TMEM232: variants seen among roughly 807,000 people sequenced by gnomAD.
TMEM232 encodes the protein transmembrane protein 232.
A neutral mutation model predicts 78.8 loss-of-function variants in TMEM232; 80 were observed. The ratio of observed to expected loss-of-function variants is 1.01; its 90% CI spans 0.85 to 1.22. The LOEUF (loss-of-function observed/expected upper bound fraction) is 1.22, where lower values mean the gene tolerates loss of function less well. Among genes scored for constraint, TMEM232 ranks in the 50% most tolerant of loss-of-function variants. TMEM232 has a pLI of 0.00. For missense variants in TMEM232, 881 were observed against 742.2 expected (o/e 1.19, Z -2.17); for synonymous variants, 297 against 254.3 (o/e 1.17, Z -1.60).
At chr5:110,686,954 T>C (rs914421211) in intron 1 of TMEM232, among the ~76,000 whole-genome samples, 3 of 152,126 alleles carry the variant, frequency 2.0e-5, no homozygotes, top group Non-Finnish European at 4.4e-5. Context: ...ACTGGGGAGC[T>C]ACTATTGGTC....
At chr5:110,476,343 A>C (rs1376280220) in intron 12 of TMEM232, among the ~76,000 whole-genome samples, 1 of 151,978 alleles carries the variant, frequency 6.6e-6, no homozygotes, top group Admixed American at 6.6e-5. Context: ...GTGAGCACAG[A>C]GAAAAGGACC....
rs77674489 is a variant in TMEM232 at position 110,533,188 on chromosome 5, T to C, written c.1456-4353A>G. 1.1e-4 allele frequency among the ~76,000 whole-genome samples: 17 copies of C among 152,256 alleles called. No homozygotes were observed. The East Asian group carries it at 3.1e-3, about 28-fold the overall frequency. On this transcript the variant is annotated intron_variant, in intron 11 of 13. Coordinates refer to ENST00000455884, the MANE Select transcript of TMEM232 (RefSeq NM_001039763.4). The stretch of plus-strand genomic sequence containing the variant: ...CATCCATCAGTCCCAGCAGATTACC[T>C]AGGCTGTACTGCCGCAAGGCTTCAC...
chr5:110,504,519 G>C (rs982913716), intron 12 of TMEM232, among the ~76,000 whole-genome samples: 4 of 152,172 alleles, frequency 2.6e-5, no homozygotes, highest in African/African-American at 9.7e-5. Context: ...TGTGATTGTA[G>C]AGGCTGCTGA....
chr5:110,705,391 G>C (rs1795824964), intron 1 of TMEM232, among the ~76,000 whole-genome samples: 2 of 152,030 alleles, frequency 1.3e-5, no homozygotes, highest in African/African-American at 4.8e-5. Flanking sequence ...TAAATAGAAG[G>C]AATACTCTTT....
intron 10 of TMEM232, among the ~76,000 whole-genome samples, chr5:110,590,856 G>C (rs893390503): frequency 2.0e-5 from 3 of 152,128 alleles, no homozygotes; most frequent in African/African-American, 7.2e-5. Context: ...GCAGGAGAGA[G>C]AAGAGCAAAG....
intron 1 of TMEM232, among the ~76,000 whole-genome samples, chr5:110,690,916 T>C (rs1419385051): frequency 6.6e-6 from 1 of 150,788 alleles, no homozygotes; most frequent in African/African-American, 2.4e-5. Context: ...TAAGTGGGAG[T>C]TGAACAATGA....
intron 12 of TMEM232, among the ~76,000 whole-genome samples, chr5:110,483,558 A>C (rs1375907240): frequency 6.6e-6 from 1 of 150,926 alleles, no homozygotes; most frequent in Non-Finnish European, 1.5e-5. Context: ...ATGAGAACAC[A>C]TGGACACAGG....
intron 12 of TMEM232, among the ~76,000 whole-genome samples, chr5:110,480,435 T>G (rs1763734298): frequency 6.6e-6 from 1 of 152,004 alleles, no homozygotes; most frequent in Non-Finnish European, 1.5e-5. Flanking sequence ...ATGTAAACAA[T>G]AAACAGAGAG....
intron 10 of TMEM232, among the ~76,000 whole-genome samples, chr5:110,591,741 C>T (rs1010758467): frequency 5.3e-5 from 8 of 152,090 alleles, no homozygotes; most frequent in East Asian, 3.9e-4. Context: ...AATTAAAATA[C>T]GGTATGAGTT....
intron 10 of TMEM232, among the ~76,000 whole-genome samples, chr5:110,598,224 G>C (rs1189106293): frequency 1.3e-5 from 2 of 151,192 alleles, no homozygotes; most frequent in East Asian, 1.9e-4. Flanking sequence ...TTTCTCAAAA[G>C]AAGACATCTA....
chr5:110,539,967 G>T (rs1350504718), intron 11 of TMEM232, among the ~76,000 whole-genome samples: 1 of 152,154 alleles, frequency 6.6e-6, no homozygotes, highest in Non-Finnish European at 1.5e-5. Context: ...AGGTTTTGCA[G>T]AATATGGGCA....
intron 1 of TMEM232, among the ~76,000 whole-genome samples, chr5:110,672,012 GA>G (rs1791415106): frequency 6.6e-6 from 1 of 151,770 alleles, no homozygotes; most frequent in Non-Finnish European, 1.5e-5. Context: ...CAAATGGATG[GA>G]AAAGAAAAAA....
At chr5:110,431,042 G>A (rs939644978) in intron 12 of TMEM232, among the ~76,000 whole-genome samples, 15 of 151,752 alleles carry the variant, frequency 9.9e-5, no homozygotes, top group African/African-American at 3.4e-4. Context: ...GAAGCCAGGA[G>A]AGTACTTGGC....
chr5:110,655,519 C>A (rs1451830076), intron 2 of TMEM232, among the ~76,000 whole-genome samples: 2 of 141,578 alleles, frequency 1.4e-5, no homozygotes, highest in Non-Finnish European at 3.1e-5. Context: ...GGATCTAGAA[C>A]TAGAAATACC....
intron 12 of TMEM232, among the ~76,000 whole-genome samples, chr5:110,499,157 G>A (rs941762305): frequency 7.2e-5 from 11 of 152,092 alleles, no homozygotes; most frequent in Admixed American, 5.2e-4. Context: ...AAAGAGCAGG[G>A]GATGAAGAGA....
chr5:110,682,844 A>G (rs1792922320), intron 1 of TMEM232, among the ~76,000 whole-genome samples: 1 of 152,032 alleles, frequency 6.6e-6, no homozygotes, highest in Admixed American at 6.6e-5. Context: ...CCCCTTCTGG[A>G]ATTAAGTGTC....
intron 5 of TMEM232, among the ~76,000 whole-genome samples, chr5:110,635,219 G>C (rs1231795165): frequency 6.6e-6 from 1 of 151,876 alleles, no homozygotes; most frequent in Non-Finnish European, 1.5e-5. Context: ...GAAAAGTCCA[G>C]TACTAGATGG....
At chr5:110,425,004 T>C in intron 12 of TMEM232, 88 bp from the exon 13 acceptor site, 1 of 923,222 alleles carries the variant, frequency 1.1e-6, no homozygotes, top group Non-Finnish European at 1.6e-6. Flanking sequence ...CATAATTTAT[T>C]ATTAAGCATT....
chr5:110,451,392 G>C (rs533648672), intron 12 of TMEM232, among the ~76,000 whole-genome samples: 60 of 152,034 alleles, frequency 3.9e-4, no homozygotes, highest in Non-Finnish European at 7.9e-4. Flanking sequence ...GTTATTCTAG[G>C]AAATATTTCA....
Sources: allele counts gnomAD v4.1 joint callset (sites outside exome capture counted in the v4.1 genomes callset), GRCh38; gene constraint gnomAD v4.1.1; transcripts MANE v1.5; gene names NCBI Gene and HGNC (gene_info 2026-07-23, HGNC 2026-07-21).